The following PDE7B variants were observed in gnomAD, a reference collection of about 807,000 sequenced individuals.
PDE7B encodes phosphodiesterase 7B.
In PDE7B, 29 loss-of-function variants were observed where a neutral mutation model predicts 56.2. The ratio of observed to expected loss-of-function variants is 0.52; its 90% confidence interval spans 0.38 to 0.70. PDE7B has a LOEUF of 0.70. Among genes scored for constraint, PDE7B ranks in the 30% least tolerant of loss-of-function variants. The probability of loss-of-function intolerance (pLI) is 0.00; values close to 1 mark genes in which losing one functional copy is unlikely to be tolerated. For missense variants in PDE7B, 490 were observed against 565.0 expected (o/e 0.87, Z 1.35); for synonymous variants, 197 against 196.9 (o/e 1.00, Z 0.00).
intron 2 of PDE7B, among the ~76,000 whole-genome samples, chr6:135,995,518 A>G (rs1013150406): frequency 3.3e-5 from 5 of 152,232 alleles, no homozygotes; most frequent in African/African-American, 7.2e-5. Context: ...GGGTAACAGC[A>G]GAAAATGAAA....
intron 1 of PDE7B, among the ~76,000 whole-genome samples, chr6:135,912,277 A>G (rs1776226003): frequency 6.6e-6 from 1 of 152,220 alleles, no homozygotes; most frequent in Non-Finnish European, 1.5e-5. Flanking sequence ...AAATGAAAAT[A>G]TTAGAAAAAA....
chr6:136,062,294 T>A (rs1776858435), intron 2 of PDE7B, among the ~76,000 whole-genome samples: 1 of 152,214 alleles, frequency 6.6e-6, no homozygotes, highest in African/African-American at 2.4e-5. Context: ...GTATACATTA[T>A]GAAATAATTA....
At chr6:135,932,656 T>C (rs908169124) in intron 1 of PDE7B, among the ~76,000 whole-genome samples, 2 of 152,118 alleles carry the variant, frequency 1.3e-5, no homozygotes, top group South Asian at 2.1e-4. Flanking sequence ...GGACAACCTG[T>C]GAGGCAGAAA....
chr6:135,870,050 G>A (rs1269786595), intron 1 of PDE7B, among the ~76,000 whole-genome samples: 3 of 152,178 alleles, frequency 2.0e-5, no homozygotes, highest in African/African-American at 7.2e-5. Context: ...GCTTTAAAAG[G>A]AGCACTCTGA....
At chr6:136,033,031 T>C (rs1484383624) in intron 2 of PDE7B, among the ~76,000 whole-genome samples, 1 of 152,228 alleles carries the variant, frequency 6.6e-6, no homozygotes, top group Non-Finnish European at 1.5e-5. Flanking sequence ...GACTCGAATG[T>C]GAAATTCTGA....
At chr6:135,956,650 G>A (rs1177954211) in intron 2 of PDE7B, among the ~76,000 whole-genome samples, 3 of 151,928 alleles carry the variant, frequency 2.0e-5, no homozygotes, top group Non-Finnish European at 4.4e-5. Flanking sequence ...GGTGATGGCA[G>A]GTGCCTATAG....
chr6:136,142,391 G>A (rs1398404639), intron 3 of PDE7B, among the ~76,000 whole-genome samples: 1 of 152,146 alleles, frequency 6.6e-6, no homozygotes, highest in African/African-American at 2.4e-5. Flanking sequence ...GGTGAATTTT[G>A]GAATAGGTGT....
chr6:136,010,779 A>G (rs1775878899), intron 2 of PDE7B, among the ~76,000 whole-genome samples: 1 of 152,142 alleles, frequency 6.6e-6, no homozygotes, highest in Non-Finnish European at 1.5e-5. Context: ...ACACAGAGCC[A>G]AACCATATCA....
chr6:136,147,161 A>AT (rs61066622), intron 3 of PDE7B, among the ~76,000 whole-genome samples, 190 bp from the exon 4 acceptor site: 12,692 of 123,746 alleles, frequency 0.1, 1,782 homozygotes, highest in African/African-American at 0.33. Flanking sequence ...ATAAGTAAAA[A>AT]TTAAAAAAAA....
chr6:135,923,290 G>A (rs991343645), intron 1 of PDE7B, among the ~76,000 whole-genome samples: 1 of 152,164 alleles, frequency 6.6e-6, no homozygotes, highest in South Asian at 2.1e-4. Context: ...ACACCAAGAA[G>A]ATGCATGACT....
chr6:136,106,172 GTAGATAAAATC>G (rs1255365554), intron 2 of PDE7B, among the ~76,000 whole-genome samples: 1 of 152,226 alleles, frequency 6.6e-6, no homozygotes, highest in Non-Finnish European at 1.5e-5. Flanking sequence ...AGCCAGCTTT[GTAGATAAAATC>G]TATACAGTCT....
chr6:136,118,423 T>C (rs1777874550), intron 3 of PDE7B, among the ~76,000 whole-genome samples: 1 of 152,224 alleles, frequency 6.6e-6, no homozygotes, highest in Non-Finnish European at 1.5e-5. Flanking sequence ...CTTCCAGGAA[T>C]ATTTGGGAAC....
At chr6:136,147,056 C>T (rs1038011520) in intron 3 of PDE7B, among the ~76,000 whole-genome samples, 4 of 151,886 alleles carry the variant, frequency 2.6e-5, no homozygotes, top group South Asian at 2.1e-4. Flanking sequence ...GCGGGAGGAT[C>T]GCTTGAGCCC....
At chr6:136,058,920 T>C (rs1421456509) in intron 2 of PDE7B, among the ~76,000 whole-genome samples, 1 of 152,204 alleles carries the variant, frequency 6.6e-6, no homozygotes, top group South Asian at 2.1e-4. Flanking sequence ...TAATAGAAAG[T>C]AAGCCTTTTA....
intron 1 of PDE7B, among the ~76,000 whole-genome samples, chr6:135,907,747 T>C (rs1047626643): frequency 3.9e-5 from 6 of 152,142 alleles, no homozygotes; most frequent in Admixed American, 2.6e-4. Flanking sequence ...AATACTCTTA[T>C]AGATAAAATT....
intron 2 of PDE7B, among the ~76,000 whole-genome samples, chr6:136,105,841 G>T (rs192213113): frequency 6.6e-5 from 10 of 152,248 alleles, no homozygotes; most frequent in African/African-American, 2.4e-4. Context: ...AAAACTTTAC[G>T]TAATAATGGG....
chr6:136,065,187 CT>C (rs1776912767), intron 2 of PDE7B, among the ~76,000 whole-genome samples: 1 of 152,166 alleles, frequency 6.6e-6, no homozygotes, highest in Admixed American at 6.6e-5. Context: ...GTAGGGTTTT[CT>C]CAGTTTGCTT....
At chr6:136,184,575 G>GATAGA (rs1394159052) in intron 11 of PDE7B, among the ~76,000 whole-genome samples, 2 of 152,172 alleles carry the variant, frequency 1.3e-5, no homozygotes, top group Non-Finnish European at 2.9e-5. Flanking sequence ...CGCTGGTCTA[G>GATAGA]ATAGAATGGA....
intron 1 of PDE7B, among the ~76,000 whole-genome samples, chr6:135,928,465 T>TTATATATATATATTTATTTATATATATA (rs1294944166): frequency 1.3e-5 from 1 of 75,562 alleles, no homozygotes; most frequent in Non-Finnish European, 2.6e-5. Flanking sequence ...ATATATATAT[T>TTATATATATATATTTATTTATATATATA]TATTTATATA....
Sources: gnomAD v4.1 joint callset for allele counts (sites outside exome capture counted in the v4.1 genomes callset) on GRCh38, gnomAD v4.1.1 for gene constraint, MANE v1.5 for transcripts, NCBI Gene and HGNC (gene_info 2026-07-23, HGNC 2026-07-21) for gene names.